The following GRID2 variants were observed in gnomAD, a reference collection of about 807,000 sequenced individuals.
GRID2 encodes the protein glutamate ionotropic receptor delta type subunit 2, also known as glutamate receptor ionotropic, delta-2.
A neutral mutation model predicts 114.8 loss-of-function variants in GRID2; 33 were observed. That is an observed-to-expected ratio of 0.29 (90% confidence interval 0.22 to 0.38). The LOEUF (loss-of-function observed/expected upper bound fraction) is 0.38, where lower values mean the gene tolerates loss of function less well. GRID2 is among the 10% of genes least tolerant of loss of function. GRID2 has a pLI of 1.00. For missense variants in GRID2, 1,184 were observed against 1,257.7 expected, an observed-to-expected ratio of 0.94 and a Z score of 0.89; for synonymous variants, 505 against 449.9, an observed-to-expected ratio of 1.12 and a Z score of -1.55.
At chr4:92,508,061 A>G (rs992137485) in intron 1 of GRID2, among the ~76,000 whole-genome samples, 4 of 151,968 alleles carry the variant, frequency 2.6e-5, no homozygotes, top group Non-Finnish European at 5.9e-5. Context: ...TTGCAGCATC[A>G]TATTTTACTG....
chr4:92,561,922 T>A (rs764630226), intron 1 of GRID2, among the ~76,000 whole-genome samples: 1 of 152,188 alleles, frequency 6.6e-6, no homozygotes, highest in Non-Finnish European at 1.5e-5. Context: ...GTGCTGTGAC[T>A]ATGAAAATTT....
At chr4:93,560,038 T>C (rs1049945970) in intron 13 of GRID2, among the ~76,000 whole-genome samples, 7 of 150,654 alleles carry the variant, frequency 4.6e-5, no homozygotes, top group African/African-American at 1.7e-4. Context: ...TGAAAACACA[T>C]GGACACAGGG....
At chr4:92,926,754 G>C (rs1749837660) in intron 2 of GRID2, among the ~76,000 whole-genome samples, 1 of 151,880 alleles carries the variant, frequency 6.6e-6, no homozygotes, top group Non-Finnish European at 1.5e-5. Context: ...TGGAAGCTGG[G>C]AAGTCCGAGA....
chr4:93,809,189 C>T (rs1735087248), exon 2 of GRID2: 1 of 152,308 alleles, frequency 6.6e-6, no homozygotes, highest in South Asian at 2.1e-4. Context: ...TCCTATCTAT[C>T]TTACCCACTT....
At chr4:92,496,223 A>G (rs543034673) in intron 1 of GRID2, among the ~76,000 whole-genome samples, 2 of 151,988 alleles carry the variant, frequency 1.3e-5, no homozygotes, top group Non-Finnish European at 2.9e-5. Context: ...TGACTGACAC[A>G]CAATTTCAAT....
intron 2 of GRID2, among the ~76,000 whole-genome samples, chr4:92,841,348 G>A (rs1205727268): frequency 1.3e-5 from 2 of 151,924 alleles, no homozygotes; most frequent in African/African-American, 4.8e-5. Context: ...TAACAAGATA[G>A]TTTATGACCT....
intron 2 of GRID2, among the ~76,000 whole-genome samples, chr4:92,737,106 AAT>A (rs892695816): frequency 3.3e-5 from 5 of 152,088 alleles, no homozygotes; most frequent in Non-Finnish European, 5.9e-5. Flanking sequence ...CTAGCTCTTC[AAT>A]AATGATAAAT....
At chr4:93,533,278 CT>C (rs2149516418) in intron 13 of GRID2, among the ~76,000 whole-genome samples, 1 of 132,892 alleles carries the variant, frequency 7.5e-6, no homozygotes, top group South Asian at 2.4e-4. Flanking sequence ...TCCTTCCTTC[CT>C]TCCTTCCTTC....
intron 2 of GRID2, among the ~76,000 whole-genome samples, chr4:92,917,204 GTTGT>G (rs1459538383): frequency 6.6e-6 from 1 of 152,128 alleles, no homozygotes; most frequent in Admixed American, 6.6e-5. Flanking sequence ...TGGTGATGGG[GTTGT>G]TTGTTTTTTT....
intron 13 of GRID2, among the ~76,000 whole-genome samples, chr4:93,572,862 T>C (rs1736059452): frequency 6.6e-6 from 1 of 152,138 alleles, no homozygotes; most frequent in Admixed American, 6.6e-5. Flanking sequence ...ATGCTTTTAC[T>C]AAATTGCAGC....
At chr4:92,932,106 G>A (rs1750283826) in intron 2 of GRID2, among the ~76,000 whole-genome samples, 1 of 151,042 alleles carries the variant, frequency 6.6e-6, no homozygotes, top group African/African-American at 2.4e-5. Context: ...CAATAAAATT[G>A]CAATTAAGCA....
At chr4:92,559,937 A>T (rs559738159) in intron 1 of GRID2, among the ~76,000 whole-genome samples, 1 of 152,342 alleles carries the variant, frequency 6.6e-6, no homozygotes, top group South Asian at 2.1e-4. Flanking sequence ...TAATTTCATT[A>T]AAAGTCACAA....
chr4:92,336,087 A>C (rs1727148444), intron 1 of GRID2, among the ~76,000 whole-genome samples: 1 of 152,174 alleles, frequency 6.6e-6, no homozygotes, highest in Non-Finnish European at 1.5e-5. Context: ...ATTTGCGGTA[A>C]TGTCTATGTT....
chr4:93,192,201 C>A (rs2149448513), intron 4 of GRID2, among the ~76,000 whole-genome samples: 1 of 152,254 alleles, frequency 6.6e-6, no homozygotes, highest in Admixed American at 6.5e-5. Context: ...ATGGGGCAAC[C>A]AGCAACTGAA....
intron 2 of GRID2, among the ~76,000 whole-genome samples, chr4:92,856,993 A>G (rs983642682): frequency 6.6e-6 from 1 of 152,154 alleles, no homozygotes; most frequent in Admixed American, 6.5e-5. Flanking sequence ...AGTATTATAT[A>G]TGTTAAAGGG....
intron 1 of GRID2, among the ~76,000 whole-genome samples, chr4:92,363,141 A>C (rs1206279147): frequency 6.6e-6 from 1 of 152,098 alleles, no homozygotes; most frequent in Non-Finnish European, 1.5e-5. Flanking sequence ...TGGCAGCATC[A>C]GTGTCTCCTG....
chr4:92,844,467 A>G (rs1262867327), intron 2 of GRID2, among the ~76,000 whole-genome samples: 1 of 152,042 alleles, frequency 6.6e-6, no homozygotes. Context: ...TGAACCTGGG[A>G]AGAGGAGGTT....
At chr4:93,357,004 G>A (rs1761398831) in intron 8 of GRID2, among the ~76,000 whole-genome samples, 1 of 151,294 alleles carries the variant, frequency 6.6e-6, no homozygotes, top group South Asian at 2.1e-4. Context: ...AAAATAATTT[G>A]GAATATCTAT....
At chr4:92,343,170 T>C (rs1727592126) in intron 1 of GRID2, among the ~76,000 whole-genome samples, 1 of 152,122 alleles carries the variant, frequency 6.6e-6, no homozygotes, top group Non-Finnish European at 1.5e-5. Context: ...TCTGTAAATT[T>C]AACTTTTTTG....
Sources: allele counts gnomAD v4.1 joint callset (sites outside exome capture counted in the v4.1 genomes callset), GRCh38; gene constraint gnomAD v4.1.1; transcripts MANE v1.5; gene names NCBI Gene and HGNC (gene_info 2026-07-23, HGNC 2026-07-21).